Variants in SPRTN observed in about 807,000 individuals in gnomAD.
SPRTN encodes SprT-like N-terminal domain.
Under a neutral mutation model 31.9 loss-of-function variants are expected in SPRTN, and 11 were observed. That is an observed-to-expected ratio of 0.34 (90% CI 0.22 to 0.57). The LOEUF (loss-of-function observed/expected upper bound fraction) is 0.57. Among genes scored for constraint, SPRTN ranks in the 20% least tolerant of loss-of-function variants. The pLI is 0.86. For synonymous variants in SPRTN, 185 were observed against 212.1 expected (o/e 0.87, Z 1.11); for missense variants, 482 against 590.1 (o/e 0.82, Z 1.90).
At chr1:231,347,728 A>G (rs1451811403) in intron 2 of SPRTN, 69 bp from the exon 3 acceptor site, 3 of 1,519,882 alleles carry the variant, frequency 2.0e-6, no homozygotes, top group Non-Finnish European at 2.6e-6. Flanking sequence ...ACCAGATAGA[A>G]TAAGAAAATT....
intron 3 of SPRTN, 36 bp downstream of exon 3, chr1:231,347,961 G>C: frequency 6.3e-7 from 1 of 1,587,386 alleles, no homozygotes; most frequent in Non-Finnish European, 8.5e-7. Context: ...ATGTTTAGTA[G>C]TTGTTTATTC....
In SPRTN at chr1:231,342,107, C is replaced by T. The variant is rs565852287; in HGVS notation, c.321+2239C>T. On this transcript the variant is annotated intron_variant, in intron 2 of 4. Transcript: ENST00000295050. ...ACTTGAAGAATGTTAACACAACCTT[C>T]TTAGTAACCCAATGAATAAGCGGAA... is the stretch of plus-strand genomic sequence containing the variant. Among the ~76,000 whole-genome samples the T allele has an allele frequency of 5.9e-5, 9 of 152,240 alleles. No individual in the cohort carries two copies. The South Asian group carries it at 1.9e-3, about 32-fold the overall frequency.
chr1:231,346,118 C>T (rs1328160126), intron 2 of SPRTN, among the ~76,000 whole-genome samples: 1 of 151,490 alleles, frequency 6.6e-6, no homozygotes, highest in Non-Finnish European at 1.5e-5. Flanking sequence ...CCTGACCATC[C>T]TAGTGTAGTA....
In SPRTN at chr1:231,343,194, T is replaced by C. The variant is rs911872006; in HGVS notation, c.321+3326T>C. 6.2e-4 allele frequency among the ~76,000 whole-genome samples: 95 copies of C among 152,164 alleles called. 1 individual carries two copies. The highest frequency in any genetic ancestry group is 7.7e-4 in the East Asian group (4 of 5,172). On this transcript the variant is annotated intron_variant, in intron 2 of 4. Coordinates refer to ENST00000295050, the MANE Select transcript of SPRTN (RefSeq NM_032018.7). The stretch of plus-strand genomic sequence containing the variant: ...CTATACTCTATAGCCTAGGTATATA[T>C]ACTCTATAGCCTAGGTATATACACT...
chr1:231,352,026 T>A (rs965845464), intron 4 of SPRTN: 1 of 994,544 alleles, frequency 1.0e-6, no homozygotes, highest in Non-Finnish European at 1.2e-6. Flanking sequence ...TCCAAGTGAC[T>A]CTATTGATGT....
rs763927335 is a variant in SPRTN at position 231,352,888 on chromosome 1, C to T, written c.997C>T (p.Pro333Ser). The T allele has an allele frequency of 1.2e-6, 2 of 1,614,114 alleles. No individual in the cohort carries two copies. Among genetic ancestry groups the T allele is most frequent in the Admixed American group, 3.3e-5 (2 of 60,020 alleles). The change falls in exon 5 of 5, where the codon CCT becomes TCT. Residue 333 changes from proline to serine, a missense_variant. Pro to Ser is a moderately conservative substitution (Grantham distance 74). Coordinates refer to ENST00000295050, the MANE Select transcript of SPRTN (RefSeq NM_032018.7). Reference sequence around the variant, plus strand: ...CCAAAATGTTCTAAGCAACTACTTTCCTAGAGTATCATTTGCCAACCAAAA... The same window carrying T: ...CCAAAATGTTCTAAGCAACTACTTTTCTAGAGTATCATTTGCCAACCAAAA... ...SHQNVLSNYF[P>S]RVSFANQKAF...
Position 231,352,666 on chromosome 1 carries a change from G to A in SPRTN, c.775G>A (p.Val259Ile), listed in dbSNP as rs140540809. The change falls in exon 5 of 5, where the codon GTT becomes ATT. Residue 259 changes from valine (V) to isoleucine (I), a missense_variant. Physicochemically the swap from Val to Ile is conservative, Grantham distance 29. Transcript: ENST00000295050. ...AATCCCTTTTAGTGGGAAAGGATAT[G>A]TTCTAGGAGAAACAAGCAATTTACC... ...LVIPFSGKGY[V>I]LGETSNLPSP... The A allele has an allele frequency of 1.2e-5, 19 of 1,613,472 alleles. No individual in the cohort carries two copies. Among genetic ancestry groups the A allele is most frequent in the Non-Finnish European group, 1.4e-5 (17 of 1,179,780 alleles).
In SPRTN at chr1:231,354,115, A is replaced by G. The variant is rs1010581133; in HGVS notation, c.*754A>G. The G allele has an allele frequency of 5.1e-6, 5 of 985,098 alleles. No homozygotes were observed. The African/African-American group carries it at 8.7e-5, about 17-fold the overall frequency. The allele number at this position is 985,098 out of a possible 1,614,324, so 61.0% of individuals were successfully genotyped here. ...GGTTAAAATTCTGTGCTGATAAGTA[A>G]CTGATACATATAACATAAACATAAC... is the stretch of plus-strand genomic sequence containing the variant. On this transcript the variant is annotated 3_prime_UTR_variant, in exon 5 of 5. Coordinates refer to ENST00000295050, the MANE Select transcript of SPRTN (RefSeq NM_032018.7).
At chr1:231,341,487 G>A (rs982020927) in intron 2 of SPRTN, among the ~76,000 whole-genome samples, 1 of 152,058 alleles carries the variant, frequency 6.6e-6, no homozygotes, top group African/African-American at 2.4e-5. Flanking sequence ...AGATTTTGGA[G>A]CATTTCAGAT....
chr1:231,354,896 A>C lies in SPRTN; in HGVS notation c.*1535A>C. ...TTTACACTCCTACCAGCAATGTATG[A>C]GAGTTTTAGTTGTTCACCATTCATA... On this transcript the variant is annotated 3_prime_UTR_variant, in exon 5 of 5. Coordinates refer to ENST00000295050, the MANE Select transcript of SPRTN (RefSeq NM_032018.7). The C allele has an allele frequency of 3.8e-6, 2 of 523,730 alleles. No individual in the cohort carries two copies. Among genetic ancestry groups the C allele is most frequent in the Non-Finnish European group, 4.9e-6 (2 of 408,654 alleles). The allele number at this position is 523,730 out of a possible 1,614,324, so 32.4% of individuals were successfully genotyped here.
Position 231,351,298 on chromosome 1 carries a change from A to T in SPRTN, c.451-6A>T, listed in dbSNP as rs752764168. 2 of 1,554,192 alleles carry T rather than the reference A, an allele frequency of 1.3e-6. No homozygotes were observed. The highest frequency in any genetic ancestry group is 1.7e-6 in the Non-Finnish European group (2 of 1,149,656). ...ATTGAATACTAAAAATTCTGTCTCC[A>T]CTCAGGTATACCATACTTTTCACGA... On this transcript the variant is annotated splice_region_variant and splice_polypyrimidine_tract_variant and intron_variant, in intron 3 of 4. Coordinates refer to ENST00000295050, the MANE Select transcript of SPRTN (RefSeq NM_032018.7).
At chr1:231,339,491 G>T (rs1686796414) in intron 1 of SPRTN, 1 of 656,938 alleles carries the variant, frequency 1.5e-6, no homozygotes. Flanking sequence ...CGGTCCTGGC[G>T]TCTCTAGCAG....
At chr1:231,344,861 G>A (rs1002444964) in intron 2 of SPRTN, 4 of 208,228 alleles carry the variant, frequency 1.9e-5, no homozygotes, top group Non-Finnish European at 4.4e-5. Flanking sequence ...AGGTTTTAGT[G>A]TTTGTTTCAA....
chr1:231,339,474 C>G, intron 1 of SPRTN: 1 of 617,688 alleles, frequency 1.6e-6, no homozygotes, highest in South Asian at 1.6e-5. Flanking sequence ...CCGTTGTACA[C>G]CAGGTACGGT....
chr1:231,351,634 G>A (rs1236446560), intron 4 of SPRTN, 63 bp downstream of exon 4: 2 of 1,570,220 alleles, frequency 1.3e-6, no homozygotes, highest in East Asian at 2.2e-5. Context: ...AGACAATACT[G>A]TCCTTCAGAG....
chr1:231,347,897 T>C lies in SPRTN; in HGVS notation c.422T>C (p.Ile141Thr). The C allele has an allele frequency of 6.2e-7, 1 of 1,613,710 alleles. No homozygotes were observed. Among genetic ancestry groups the C allele is most frequent in the Non-Finnish European group, 8.5e-7 (1 of 1,179,952 alleles). ...GPEFCKHMHR[I>T]NSLTGANITV... ...GAATTTTGTAAACATATGCATCGCA[T>C]CAACAGCCTGACTGGAGCCAATATA... The change falls in exon 3 of 5, where the codon ATC becomes ACC. Residue 141 changes from isoleucine to threonine, a missense_variant. By Grantham distance (89) the Ile-to-Thr change is moderately conservative. This residue lies in a region of SPRTN where 157 missense variants were observed against 239.9 expected (regional missense o/e 0.65). Coordinates refer to ENST00000295050, the MANE Select transcript of SPRTN (RefSeq NM_032018.7).
At chr1:231,341,910 C>G (rs1256338873) in intron 2 of SPRTN, among the ~76,000 whole-genome samples, 2 of 151,738 alleles carry the variant, frequency 1.3e-5, no homozygotes, top group African/African-American at 4.8e-5. Context: ...CGCATGAACT[C>G]GGGAGGTGGA....
In SPRTN at chr1:231,353,057, C is replaced by T. The variant is rs748478972; in HGVS notation, c.1166C>T (p.Ala389Val). Reference sequence around the variant, plus strand: ...AATTCTTCAAAAGTAACGGAATCAGCATCTGTGATGCCATCCCAGGATGTG... The same window carrying T: ...AATTCTTCAAAAGTAACGGAATCAGTATCTGTGATGCCATCCCAGGATGTG... Reference protein sequence around the residue: ...LRNSSKVTESASVMPSQDVSG... With the variant: ...LRNSSKVTESVSVMPSQDVSG... The change falls in exon 5 of 5, where the codon GCA becomes GTA. Residue 389 changes from alanine to valine, a missense_variant. Ala to Val is a moderately conservative substitution (Grantham distance 64). Around this residue, in one of 2 missense-constraint regions of SPRTN, gnomAD observed 325 missense variants for 350.2 expected, o/e 0.93. Coordinates refer to ENST00000295050, the MANE Select transcript of SPRTN (RefSeq NM_032018.7). The T allele has an allele frequency of 3.7e-6, 6 of 1,614,150 alleles. No homozygotes were observed. Among genetic ancestry groups the T allele is most frequent in the Non-Finnish European group, 5.1e-6 (6 of 1,180,014 alleles).
At position 231,338,375 on chromosome 1, in the gene SPRTN, C is replaced by T. The variant is rs1346201278; in HGVS notation, c.-9C>T. ...ACGCCGGCGGACCCCGCCTGTGATC[C>T]TGGCAACGATGGATGATGACTTGAT... On this transcript the variant is annotated 5_prime_UTR_variant, in exon 1 of 5. Coordinates refer to ENST00000295050, the MANE Select transcript of SPRTN (RefSeq NM_032018.7). 7.4e-6 allele frequency: 12 copies of T among 1,613,102 alleles called. No individual in the cohort carries two copies. Among genetic ancestry groups the T allele is most frequent in the African/African-American group, 1.3e-5 (1 of 75,058 alleles).
Sources: allele counts gnomAD v4.1 joint callset (sites outside exome capture counted in the v4.1 genomes callset), GRCh38; gene constraint gnomAD v4.1.1; regional missense constraint gnomAD v4.1.1; transcripts MANE v1.5; gene names NCBI Gene and HGNC (gene_info 2026-07-23, HGNC 2026-07-21).